NEDD4: variants seen among roughly 807,000 people sequenced by gnomAD.
NEDD4 encodes the protein E3 ubiquitin-protein ligase NEDD4.
NEDD4 carries 99 observed loss-of-function variants against 144.9 expected under a neutral mutation model. The observed-to-expected ratio is 0.68, with a 90% CI of 0.58 to 0.81. NEDD4 has a LOEUF of 0.81. Ranked by LOEUF, NEDD4 falls within the 30% of genes least tolerant of loss-of-function variation. The pLI is 0.00. For synonymous variants in NEDD4, 318 were observed against 350.6 expected (o/e 0.91, Z 1.04); for missense variants, 985 against 1,065.9 (o/e 0.92, Z 1.06).
chr15:55,903,928 G>A (rs1038290479), intron 5 of NEDD4, among the ~76,000 whole-genome samples: 1 of 151,736 alleles, frequency 6.6e-6, no homozygotes, highest in Non-Finnish European at 1.5e-5. Flanking sequence ...GTGAGGGCGA[G>A]GTGGGAGGAT....
At chr15:55,896,920 AAT>A (rs1449304853) in intron 5 of NEDD4, among the ~76,000 whole-genome samples, 1 of 148,156 alleles carries the variant, frequency 6.7e-6, no homozygotes, top group African/African-American at 2.6e-5. Context: ...ATAATTTATA[AAT>A]ATATTTGTAT....
At chr15:55,916,449 A>G in intron 5 of NEDD4, 2 of 1,614,052 alleles carry the variant, frequency 1.2e-6, no homozygotes, top group Non-Finnish European at 1.7e-6. Context: ...TTCATTATCG[A>G]CCACAGCACT....
intron 1 of NEDD4, among the ~76,000 whole-genome samples, chr15:55,970,129 G>A (rs529698387): frequency 1.1e-4 from 16 of 152,202 alleles, no homozygotes; most frequent in Admixed American, 6.5e-4. Flanking sequence ...CCAGACTATA[G>A]TAGCCACAGG....
At chr15:55,969,854 G>C (rs1484711251) in intron 1 of NEDD4, among the ~76,000 whole-genome samples, 1 of 151,838 alleles carries the variant, frequency 6.6e-6, no homozygotes, top group Non-Finnish European at 1.5e-5. Context: ...CGGCCACAGG[G>C]AGACTCCTGC....
intron 23 of NEDD4, 30 bp downstream of exon 23, chr15:55,838,077 C>T (rs757453375): frequency 7.7e-7 from 1 of 1,291,624 alleles, no homozygotes; most frequent in South Asian, 1.3e-5. Flanking sequence ...AAATTATATC[C>T]AATAAAATAC....
chr15:55,831,357 C>G (rs2032941646), intron 27 of NEDD4, among the ~76,000 whole-genome samples: 1 of 152,184 alleles, frequency 6.6e-6, no homozygotes, highest in Non-Finnish European at 1.5e-5. Context: ...AACTCTGGCT[C>G]TATGTGTGGG....
At chr15:55,849,824 G>A (rs1306356509) in intron 14 of NEDD4, among the ~76,000 whole-genome samples, 9 of 146,828 alleles carry the variant, frequency 6.1e-5, no homozygotes, top group Non-Finnish European at 1.0e-4. Context: ...ATGGAGTCTC[G>A]CTCTGTTGCC....
intron 4 of NEDD4, among the ~76,000 whole-genome samples, chr15:55,929,415 G>A (rs780104360): frequency 1.3e-5 from 2 of 151,628 alleles, no homozygotes; most frequent in African/African-American, 2.4e-5. Flanking sequence ...GGTTTTTTTG[G>A]TACATATTAT....
chr15:55,970,012 T>C (rs1380275748), intron 1 of NEDD4, among the ~76,000 whole-genome samples: 1 of 152,156 alleles, frequency 6.6e-6, no homozygotes, highest in Non-Finnish European at 1.5e-5. Flanking sequence ...AGACCCACTC[T>C]GGGCCAGAAG....
At chr15:55,960,668 A>G (rs74015346) in intron 2 of NEDD4, among the ~76,000 whole-genome samples, 2,958 of 152,128 alleles carry the variant, frequency 0.019, 108 homozygotes, top group African/African-American at 0.068. Context: ...CTTCATATAT[A>G]TATCTATCCT....
rs58174546 is a variant in NEDD4 at position 55,870,529 on chromosome 15, C to CT, written c.405-849dup. On this transcript the variant is annotated intron_variant, in intron 7 of 28. Coordinates refer to ENST00000435532, the MANE Select transcript of NEDD4 (RefSeq NM_006154.4). ...CTTTTTTTTTCTTCTTCTTCTTCTT[C>CT]TTTTTTTTTTTTTTTTTGTTTTGAG... 4.2e-3 allele frequency among the ~76,000 whole-genome samples: 497 copies of CT among 117,444 alleles called. 4 individuals are homozygous for CT. The highest frequency in any genetic ancestry group is 9.2e-3 in the African/African-American group (281 of 30,686). The allele number at this position is 117,444 out of a possible 152,430, so 77.0% of individuals were successfully genotyped here. A position where few individuals can be genotyped will look rare whatever the true frequency, so the allele number is the denominator to read the frequency against.
At chr15:55,860,600 C>G (rs1351775969) in intron 10 of NEDD4, 26 bp from the exon 11 acceptor site, 1 of 1,613,652 alleles carries the variant, frequency 6.2e-7, no homozygotes. Context: ...TAAGCTTGAG[C>G]CACACATACT....
chr15:55,922,543 ATTACAGACAGAG>A (rs2036587996), intron 5 of NEDD4, among the ~76,000 whole-genome samples: 1 of 152,026 alleles, frequency 6.6e-6, no homozygotes, highest in African/African-American at 2.4e-5. Context: ...TTGTATTTTT[ATTACAGACAGAG>A]TTTCACCACG....
At chr15:55,882,012 G>C (rs763048731) in intron 5 of NEDD4, among the ~76,000 whole-genome samples, 4 of 152,108 alleles carry the variant, frequency 2.6e-5, no homozygotes, top group Non-Finnish European at 4.4e-5. Flanking sequence ...TCCTCATTAA[G>C]AACCACTGCT....
intron 3 of NEDD4, 40 bp downstream of exon 3, chr15:55,951,466 TAAAAC>T: frequency 3.5e-6 from 5 of 1,409,526 alleles, no homozygotes; most frequent in Non-Finnish European, 4.8e-6. Flanking sequence ...CTTATAAAAA[TAAAAC>T]AAAGTACATT....
chr15:55,973,853 A>G lies in NEDD4; in HGVS notation c.46-7307T>C, dbSNP rs543318204. On this transcript the variant is annotated intron_variant, in intron 1 of 28. Transcript: ENST00000435532. ...AAAACTTCAAAAAAAAAAACAACCT[A>G]GCTATGCATCTTAAAGAACTAGAAA... is the stretch of plus-strand genomic sequence containing the variant. Among the ~76,000 whole-genome samples the G allele has an allele frequency of 1.1e-4, 17 of 151,846 alleles. No homozygotes were observed. The East Asian group carries it at 3.3e-3, about 29-fold the overall frequency.
chr15:55,952,028 A>T (rs1439056500), intron 2 of NEDD4, among the ~76,000 whole-genome samples: 1 of 151,842 alleles, frequency 6.6e-6, no homozygotes, highest in Non-Finnish European at 1.5e-5. Context: ...TTAAAAAAAA[A>T]AAAACAAAAA....
At chr15:55,873,309 G>A (rs771040763) in intron 6 of NEDD4, among the ~76,000 whole-genome samples, 1 of 152,078 alleles carries the variant, frequency 6.6e-6, no homozygotes, top group Non-Finnish European at 1.5e-5. Context: ...TCCCTACCTA[G>A]CTGATTTTTA....
chr15:55,984,428 A>G (rs1458805950), intron 1 of NEDD4, among the ~76,000 whole-genome samples: 7 of 152,334 alleles, frequency 4.6e-5, no homozygotes, highest in African/African-American at 1.4e-4. Flanking sequence ...GATTACAGCT[A>G]AAGTATGAAA....
Sources: allele counts gnomAD v4.1 joint callset (sites outside exome capture counted in the v4.1 genomes callset), GRCh38; gene constraint gnomAD v4.1.1; transcripts MANE v1.5; gene names NCBI Gene and HGNC (gene_info 2026-07-23, HGNC 2026-07-21).